Variants in GATAD2B observed in about 807,000 individuals in gnomAD.
GATAD2B encodes the protein transcriptional repressor p66-beta.
In GATAD2B, 8 loss-of-function variants were observed where a neutral mutation model predicts 64.3. The ratio of observed to expected loss-of-function variants is 0.12; its 90% CI spans 0.07 to 0.22. The LOEUF is 0.22. GATAD2B is among the 10% of genes least tolerant of loss of function. The pLI is 1.00. For missense variants in GATAD2B, 453 were observed against 752.0 expected (o/e 0.60, Z 4.65); for synonymous variants, 281 against 271.3 (o/e 1.04, Z -0.35).
In GATAD2B at chr1:153,862,594, G is replaced by C. The variant is rs117707205; in HGVS notation, c.-1-34246C>G. ...CACAATCATTTTTATTTTCTGAAGA[G>C]CAATGTTACTCAAAGTGTGGGCCAC... On this transcript the variant is annotated intron_variant, in intron 1 of 10. Coordinates refer to ENST00000368655, the MANE Select transcript of GATAD2B (RefSeq NM_020699.4). Among the ~76,000 whole-genome samples, 35 of 152,222 alleles carry C rather than the reference G, an allele frequency of 2.3e-4. No individual in the cohort carries two copies. In the East Asian group the frequency reaches 6.7e-3, roughly 29 times the overall value.
intron 1 of GATAD2B, among the ~76,000 whole-genome samples, chr1:153,879,132 G>A (rs1023608931): frequency 6.6e-6 from 1 of 152,068 alleles, no homozygotes; most frequent in African/African-American, 2.4e-5. Flanking sequence ...GTAAAGACAG[G>A]GTTTCACTGT....
chr1:153,858,125 C>T (rs1676154785), intron 1 of GATAD2B, among the ~76,000 whole-genome samples: 1 of 152,176 alleles, frequency 6.6e-6, no homozygotes, highest in Non-Finnish European at 1.5e-5. Flanking sequence ...CTGAATTCTT[C>T]CCCCTTCCTA....
At chr1:153,883,367 GA>G (rs1677064467) in intron 1 of GATAD2B, among the ~76,000 whole-genome samples, 1 of 152,152 alleles carries the variant, frequency 6.6e-6, no homozygotes, top group Non-Finnish European at 1.5e-5. Flanking sequence ...AACTACAAAG[GA>G]AAACCCTTTA....
chr1:153,853,763 T>C (rs906954430), intron 1 of GATAD2B, among the ~76,000 whole-genome samples: 3 of 152,196 alleles, frequency 2.0e-5, no homozygotes, highest in Non-Finnish European at 4.4e-5. Context: ...CTTTAATCCA[T>C]TTTGGGTTGA....
At chr1:153,828,396 A>G (rs1343214061) in intron 1 of GATAD2B, 48 bp from the exon 2 acceptor site, 3 of 1,424,616 alleles carry the variant, frequency 2.1e-6, no homozygotes, top group Non-Finnish European at 2.9e-6. Flanking sequence ...TCCCTTAAAT[A>G]GTCCATTTTT....
intron 1 of GATAD2B, among the ~76,000 whole-genome samples, chr1:153,894,199 G>A (rs1215724142): frequency 1.3e-5 from 2 of 152,082 alleles, no homozygotes; most frequent in African/African-American, 4.8e-5. Flanking sequence ...CTGAGCATGT[G>A]GCTTACGCTT....
At chr1:153,882,546 AG>A (rs1250452887) in intron 1 of GATAD2B, among the ~76,000 whole-genome samples, 1 of 152,258 alleles carries the variant, frequency 6.6e-6, no homozygotes, top group African/African-American at 2.4e-5. Flanking sequence ...TAGTCAAGAC[AG>A]TACCCATGCA....
At chr1:153,874,279 G>C (rs1170202828) in intron 1 of GATAD2B, among the ~76,000 whole-genome samples, 3 of 151,464 alleles carry the variant, frequency 2.0e-5, no homozygotes, top group Non-Finnish European at 4.4e-5. Flanking sequence ...AAAAAAAAGA[G>C]AGAGGGAAAG....
At chr1:153,888,999 A>T (rs749897823) in intron 1 of GATAD2B, among the ~76,000 whole-genome samples, 2 of 152,190 alleles carry the variant, frequency 1.3e-5, no homozygotes. Context: ...CCAAACCATG[A>T]GGAGTAATAA....
chr1:153,889,274 T>C (rs931087693), intron 1 of GATAD2B, among the ~76,000 whole-genome samples: 1 of 151,396 alleles, frequency 6.6e-6, no homozygotes, highest in Non-Finnish European at 1.5e-5. Flanking sequence ...TAGCAGGGCG[T>C]GGTGGCACAT....
At chr1:153,810,783 A>G (rs1485643695) in intron 10 of GATAD2B, among the ~76,000 whole-genome samples, 1 of 149,442 alleles carries the variant, frequency 6.7e-6, no homozygotes, top group Admixed American at 6.7e-5. Flanking sequence ...TATTTATCTG[A>G]GACAGAATTT....
intron 1 of GATAD2B, among the ~76,000 whole-genome samples, chr1:153,841,111 GAA>G (rs908466855): frequency 7.8e-6 from 1 of 128,994 alleles, no homozygotes; most frequent in African/African-American, 3.1e-5. Context: ...GGTGACAGAG[GAA>G]GACTCCGTCT....
intron 1 of GATAD2B, among the ~76,000 whole-genome samples, chr1:153,919,415 G>A (rs1051338276): frequency 6.6e-6 from 1 of 152,162 alleles, no homozygotes; most frequent in Admixed American, 6.5e-5. Context: ...ATCCACAAGG[G>A]AGAAGGTAAA....
At chr1:153,817,912 C>T (rs937578504) in intron 5 of GATAD2B, 128 bp downstream of exon 5, 37 of 772,796 alleles carry the variant, frequency 4.8e-5, no homozygotes, top group Non-Finnish European at 7.2e-5. Context: ...AATGGGCCAA[C>T]AGAACAATCA....
chr1:153,814,346 T>A (rs1674385134), intron 7 of GATAD2B, among the ~76,000 whole-genome samples: 1 of 152,266 alleles, frequency 6.6e-6, no homozygotes, highest in Admixed American at 6.5e-5. Flanking sequence ...TAGTATGGTT[T>A]AGTATTGGTT....
chr1:153,840,833 A>C (rs1675460729), intron 1 of GATAD2B, among the ~76,000 whole-genome samples: 1 of 152,106 alleles, frequency 6.6e-6, no homozygotes, highest in African/African-American at 2.4e-5. Context: ...AATATTTCAA[A>C]GATGGAGATA....
At chr1:153,866,437 G>A (rs77474005) in intron 1 of GATAD2B, among the ~76,000 whole-genome samples, 3,060 of 152,194 alleles carry the variant, frequency 0.02, 110 homozygotes, top group African/African-American at 0.07. Context: ...AATGAAAGAC[G>A]ATTTGTCTTC....
At chr1:153,830,517 C>T (rs1353928195) in intron 1 of GATAD2B, among the ~76,000 whole-genome samples, 1 of 138,246 alleles carries the variant, frequency 7.2e-6, no homozygotes, top group Non-Finnish European at 1.5e-5. Context: ...GCTCTGTCGC[C>T]CAGGCTGGAG....
intron 1 of GATAD2B, among the ~76,000 whole-genome samples, chr1:153,833,173 T>C (rs919412637): frequency 1.3e-5 from 2 of 152,124 alleles, no homozygotes; most frequent in South Asian, 2.1e-4. Context: ...CACCTGTGAA[T>C]AGCCACTGCA....
Sources: allele counts gnomAD v4.1 joint callset (sites outside exome capture counted in the v4.1 genomes callset), GRCh38; gene constraint gnomAD v4.1.1; transcripts MANE v1.5; gene names NCBI Gene and HGNC (gene_info 2026-07-23, HGNC 2026-07-21).